NELL1: variants seen among roughly 807,000 people sequenced by gnomAD.
NELL1 encodes the protein neural EGFL like 1, also known as protein kinase C-binding protein NELL1.
In NELL1, 76 loss-of-function variants were observed where a neutral mutation model predicts 107.4. The ratio of observed to expected loss-of-function variants is 0.71; its 90% CI spans 0.59 to 0.86. The LOEUF is 0.86. Ranked by LOEUF, NELL1 falls within the 40% of genes least tolerant of loss-of-function variation. The pLI is 0.00. For synonymous variants in NELL1, 353 were observed against 341.2 expected, an observed-to-expected ratio of 1.03 and a Z score of -0.38; for missense variants, 1,024 against 1,005.5, an observed-to-expected ratio of 1.02 and a Z score of -0.25.
chr11:20,730,120 A>G (rs1049836463), intron 2 of NELL1, among the ~76,000 whole-genome samples: 1 of 151,922 alleles, frequency 6.6e-6, no homozygotes, highest in Admixed American at 6.5e-5. Flanking sequence ...GCAAGGTACC[A>G]TGTAGGAACT....
intron 13 of NELL1, among the ~76,000 whole-genome samples, chr11:21,203,583 CT>C (rs1246600865): frequency 6.6e-6 from 1 of 152,034 alleles, no homozygotes; most frequent in Non-Finnish European, 1.5e-5. Context: ...CAGTCTGTGT[CT>C]TTTAATTGGG....
At position 21,124,665 on chromosome 11, in the gene NELL1, G is replaced by A. The variant is rs185862102; in HGVS notation, c.1426+10951G>A. Among the ~76,000 whole-genome samples the A allele has an allele frequency of 6.0e-5, 9 of 151,170 alleles. No individual in the cohort carries two copies. In the East Asian group the frequency reaches 9.8e-4, roughly 16 times the overall value. On this transcript the variant is annotated intron_variant, in intron 13 of 19. Transcript: ENST00000357134. ...TGCCCAGGCTAGAGTGCAATGGTGC[G>A]ATCTCGGCTCACTGCAACCTCCACC...
intron 12 of NELL1, among the ~76,000 whole-genome samples, chr11:21,094,653 G>A (rs1170226093): frequency 6.6e-6 from 1 of 152,176 alleles, no homozygotes; most frequent in Non-Finnish European, 1.5e-5. Flanking sequence ...TTAACACCAT[G>A]TGGAAGCTGT....
At chr11:21,454,533 G>A (rs1220925885) in intron 15 of NELL1, among the ~76,000 whole-genome samples, 1 of 151,900 alleles carries the variant, frequency 6.6e-6, no homozygotes, top group African/African-American at 2.4e-5. Flanking sequence ...TATATTATTA[G>A]TTTTATTTTA....
intron 15 of NELL1, among the ~76,000 whole-genome samples, chr11:21,524,161 C>T (rs1038631038): frequency 7.2e-5 from 11 of 152,026 alleles, no homozygotes; most frequent in African/African-American, 2.7e-4. Flanking sequence ...GTTAAGTAGA[C>T]CTTGGTTTAA....
At chr11:20,812,231 A>C (rs1338528131) in intron 3 of NELL1, among the ~76,000 whole-genome samples, 2 of 152,090 alleles carry the variant, frequency 1.3e-5, no homozygotes, top group African/African-American at 4.8e-5. Flanking sequence ...CATGTGCTGC[A>C]TTATGCTTAT....
At chr11:21,511,584 G>A (rs563286617) in intron 15 of NELL1, among the ~76,000 whole-genome samples, 1 of 152,306 alleles carries the variant, frequency 6.6e-6, no homozygotes, top group South Asian at 2.1e-4. Flanking sequence ...TAATGGATTA[G>A]GGAGGCTGAA....
At chr11:21,410,591 T>C (rs950696090) in intron 15 of NELL1, among the ~76,000 whole-genome samples, 3 of 152,092 alleles carry the variant, frequency 2.0e-5, no homozygotes, top group African/African-American at 4.8e-5. Flanking sequence ...CAGTTAAATG[T>C]GATTTGTTAT....
chr11:20,826,545 C>T (rs996937891), intron 3 of NELL1, among the ~76,000 whole-genome samples: 1 of 151,264 alleles, frequency 6.6e-6, no homozygotes. Context: ...GCATTCTCTG[C>T]CTCCAACATT....
intron 14 of NELL1, among the ~76,000 whole-genome samples, chr11:21,334,064 T>C (rs1461716978): frequency 6.6e-6 from 1 of 152,096 alleles, no homozygotes; most frequent in Non-Finnish European, 1.5e-5. Flanking sequence ...AAATCATTGT[T>C]GAGTGATTTC....
At chr11:20,693,275 A>C (rs1854519465) in intron 2 of NELL1, among the ~76,000 whole-genome samples, 1 of 152,090 alleles carries the variant, frequency 6.6e-6, no homozygotes, top group African/African-American at 2.4e-5. Context: ...TGGAGCATTT[A>C]GTCCATTTAC....
At chr11:20,751,128 G>T (rs1260635044) in intron 2 of NELL1, among the ~76,000 whole-genome samples, 2 of 151,244 alleles carry the variant, frequency 1.3e-5, no homozygotes, top group Non-Finnish European at 2.9e-5. Context: ...TGCTATTACT[G>T]CAGTTTTATG....
chr11:21,487,866 C>T (rs963525092), intron 15 of NELL1, among the ~76,000 whole-genome samples: 32 of 151,830 alleles, frequency 2.1e-4, no homozygotes, highest in African/African-American at 7.3e-4. Context: ...AGCTAACAAC[C>T]GGGAGGAGTA....
intron 14 of NELL1, among the ~76,000 whole-genome samples, chr11:21,344,353 T>A (rs945475556): frequency 6.6e-6 from 1 of 152,176 alleles, no homozygotes; most frequent in Admixed American, 6.5e-5. Flanking sequence ...GCAGTACTAA[T>A]TGAGTTCTGT....
At chr11:20,975,979 T>C (rs1169854624) in intron 12 of NELL1, among the ~76,000 whole-genome samples, 2 of 133,450 alleles carry the variant, frequency 1.5e-5, no homozygotes, top group Non-Finnish European at 3.0e-5. Flanking sequence ...ATATATATTA[T>C]ATCTGTACAT....
At chr11:20,681,166 G>A (rs1361287207) in intron 2 of NELL1, among the ~76,000 whole-genome samples, 1 of 152,222 alleles carries the variant, frequency 6.6e-6, no homozygotes. Flanking sequence ...TTGCAATCTG[G>A]ATAGGCTGAG....
At chr11:20,841,703 T>C (rs1469249504) in intron 3 of NELL1, among the ~76,000 whole-genome samples, 1 of 152,166 alleles carries the variant, frequency 6.6e-6, no homozygotes, top group Non-Finnish European at 1.5e-5. Context: ...TAGATGGCAG[T>C]GAAGTTGCTC....
chr11:20,860,554 C>T (rs891139158), intron 4 of NELL1, among the ~76,000 whole-genome samples: 1 of 152,160 alleles, frequency 6.6e-6, no homozygotes, highest in Non-Finnish European at 1.5e-5. Context: ...TCATGAGGTT[C>T]AAATGAGGGC....
intron 13 of NELL1, among the ~76,000 whole-genome samples, chr11:21,192,006 TG>T (rs978446941): frequency 5.3e-5 from 8 of 151,612 alleles, no homozygotes; most frequent in East Asian, 1.9e-4. Flanking sequence ...AAAATAGTGT[TG>T]GGGTAATAGA....
Sources: gnomAD v4.1 joint callset for allele counts (sites outside exome capture counted in the v4.1 genomes callset) on GRCh38, gnomAD v4.1.1 for gene constraint, MANE v1.5 for transcripts, NCBI Gene and HGNC (gene_info 2026-07-23, HGNC 2026-07-21) for gene names.